The following SLC24A3 variants were observed in gnomAD, a reference collection of about 807,000 sequenced individuals.
The protein encoded by SLC24A3 is sodium/potassium/calcium exchanger 3.
SLC24A3 carries 28 observed loss-of-function variants against 75.8 expected under a neutral mutation model. The observed-to-expected ratio is 0.37, with a 90% CI of 0.27 to 0.51. The LOEUF (loss-of-function observed/expected upper bound fraction) is 0.51, where lower values mean the gene tolerates loss of function less well. Among genes scored for constraint, SLC24A3 ranks in the 20% least tolerant of loss-of-function variants. SLC24A3 has a pLI of 0.94. For missense variants in SLC24A3, 663 were observed against 847.8 expected (o/e 0.78, Z 2.71); for synonymous variants, 372 against 334.1 (o/e 1.11, Z -1.24).
intron 2 of SLC24A3, among the ~76,000 whole-genome samples, chr20:19,487,924 G>T (rs2122526516): frequency 6.6e-6 from 1 of 152,210 alleles, no homozygotes; most frequent in Non-Finnish European, 1.5e-5. Context: ...GTTTTGTTTT[G>T]TTTGGTTTGT....
chr20:19,598,924 A>G (rs963265675), intron 6 of SLC24A3, among the ~76,000 whole-genome samples: 2 of 151,904 alleles, frequency 1.3e-5, no homozygotes, highest in Non-Finnish European at 2.9e-5. Flanking sequence ...ACACACACGC[A>G]CACACACACC....
At chr20:19,551,321 A>G (rs2030689660) in intron 3 of SLC24A3, among the ~76,000 whole-genome samples, 1 of 152,172 alleles carries the variant, frequency 6.6e-6, no homozygotes, top group African/African-American at 2.4e-5. Context: ...ATTCATAATG[A>G]TAAGGTCTAC....
At chr20:19,653,729 A>G (rs946341267) in intron 6 of SLC24A3, among the ~76,000 whole-genome samples, 3 of 152,200 alleles carry the variant, frequency 2.0e-5, no homozygotes, top group African/African-American at 7.2e-5. Flanking sequence ...ACTGCGTGCC[A>G]GCTAGGACAG....
intron 15 of SLC24A3, among the ~76,000 whole-genome samples, chr20:19,699,241 G>A (rs936401178): frequency 1.3e-5 from 2 of 152,218 alleles, no homozygotes; most frequent in African/African-American, 2.4e-5. Flanking sequence ...CCTTATTACA[G>A]GCTAAGTGAT....
chr20:19,330,188 C>G (rs2122291393), intron 2 of SLC24A3, among the ~76,000 whole-genome samples: 1 of 152,286 alleles, frequency 6.6e-6, no homozygotes, highest in Non-Finnish European at 1.5e-5. Context: ...GTCTCCTGGC[C>G]AGAGGTTTCC....
At chr20:19,265,420 C>A (rs1270846969) in intron 1 of SLC24A3, among the ~76,000 whole-genome samples, 1 of 152,212 alleles carries the variant, frequency 6.6e-6, no homozygotes, top group Non-Finnish European at 1.5e-5. Context: ...GCTCTCTGCA[C>A]AGCAGTGCAC....
chr20:19,289,349 G>A (rs1414987610), intron 2 of SLC24A3, among the ~76,000 whole-genome samples: 1 of 152,210 alleles, frequency 6.6e-6, no homozygotes, highest in Non-Finnish European at 1.5e-5. Context: ...TGGGTCTCCA[G>A]ACCACATGTC....
intron 1 of SLC24A3, among the ~76,000 whole-genome samples, chr20:19,219,005 T>G (rs986735794): frequency 2.0e-5 from 3 of 152,204 alleles, no homozygotes; most frequent in African/African-American, 7.2e-5. Context: ...ATTTTTGCCT[T>G]CTTTTTCTAT....
intron 3 of SLC24A3, among the ~76,000 whole-genome samples, chr20:19,531,339 T>C (rs1027335391): frequency 1.2e-4 from 18 of 152,176 alleles, no homozygotes; most frequent in African/African-American, 4.1e-4. Context: ...CCTACTAAGA[T>C]GCTTACAAGG....
At chr20:19,696,015 C>CTTTTTTTTTTTTTTTTTTTTTTTT (rs778046824) in intron 13 of SLC24A3, among the ~76,000 whole-genome samples, 1 of 108,074 alleles carries the variant, frequency 9.3e-6, no homozygotes, top group Admixed American at 1.2e-4. Flanking sequence ...TTTTCCTTTT[C>CTTTTTTTTTTTTTTTTTTTTTTTT]TTTTTTTTTT....
chr20:19,291,344 G>T (rs550705172), intron 2 of SLC24A3, among the ~76,000 whole-genome samples: 4 of 152,308 alleles, frequency 2.6e-5, no homozygotes, highest in African/African-American at 9.6e-5. Flanking sequence ...CTGTCTGAGG[G>T]CTGTGAAGGT....
intron 2 of SLC24A3, among the ~76,000 whole-genome samples, chr20:19,453,449 TGAG>T (rs1987526788): frequency 6.6e-6 from 1 of 152,184 alleles, no homozygotes; most frequent in African/African-American, 2.4e-5. Flanking sequence ...GGCTCTTTGA[TGAG>T]GAGAATGTAT....
intron 12 of SLC24A3, among the ~76,000 whole-genome samples, chr20:19,686,087 T>C (rs1020459363): frequency 3.3e-5 from 5 of 152,236 alleles, no homozygotes; most frequent in African/African-American, 1.2e-4. Flanking sequence ...TATGGGACAG[T>C]TGGGCTGGTT....
intron 2 of SLC24A3, among the ~76,000 whole-genome samples, chr20:19,510,958 G>C (rs1988526611): frequency 6.6e-6 from 1 of 152,186 alleles, no homozygotes; most frequent in South Asian, 2.1e-4. Flanking sequence ...AGCATGCTTG[G>C]CTTGGCCAGT....
intron 1 of SLC24A3, among the ~76,000 whole-genome samples, chr20:19,255,345 G>A (rs747072725): frequency 6.6e-6 from 1 of 152,248 alleles, no homozygotes; most frequent in Non-Finnish European, 1.5e-5. Flanking sequence ...TAGGATGATC[G>A]TGGCTGGGCT....
At position 19,585,062 on chromosome 20, in the gene SLC24A3, G is replaced by A. The variant is rs773956974; in HGVS notation, c.508+7G>A. ...CTGTTCACATCGGTCATAGGTAGGT[G>A]ACAGACTGAGGGACATCTCAGACCT... On this transcript the variant is annotated splice_region_variant and intron_variant, in intron 5 of 16. Transcript: ENST00000328041. The A allele has an allele frequency of 1.2e-6, 2 of 1,608,706 alleles. No individual in the cohort carries two copies. The highest frequency in any genetic ancestry group is 1.7e-5 in the Admixed American group (1 of 59,938).
intron 6 of SLC24A3, among the ~76,000 whole-genome samples, chr20:19,616,317 C>T (rs1323943771): frequency 1.3e-5 from 2 of 152,218 alleles, no homozygotes; most frequent in African/African-American, 4.8e-5. Flanking sequence ...ACCTGATGGC[C>T]ACATCCCTCT....
chr20:19,364,999 A>T (rs1394816138), intron 2 of SLC24A3, among the ~76,000 whole-genome samples: 2 of 152,196 alleles, frequency 1.3e-5, no homozygotes, highest in Non-Finnish European at 2.9e-5. Context: ...CATGTGGACC[A>T]CAGAGAGGGG....
chr20:19,509,503 G>A (rs1305006144), intron 2 of SLC24A3, among the ~76,000 whole-genome samples: 1 of 152,222 alleles, frequency 6.6e-6, no homozygotes, highest in Non-Finnish European at 1.5e-5. Context: ...GCACCACACT[G>A]TCCGCATACA....
Sources: allele counts gnomAD v4.1 joint callset (sites outside exome capture counted in the v4.1 genomes callset), GRCh38; gene constraint gnomAD v4.1.1; transcripts MANE v1.5; gene names NCBI Gene and HGNC (gene_info 2026-07-23, HGNC 2026-07-21).